The following CDK5RAP2 variants were observed in gnomAD, a reference collection of about 807,000 sequenced individuals.
CDK5RAP2 encodes the protein CDK5 regulatory subunit associated protein 2.
A neutral mutation model predicts 232.9 loss-of-function variants in CDK5RAP2; 147 were observed. The ratio of observed to expected loss-of-function variants is 0.63; its 90% confidence interval spans 0.55 to 0.72. The LOEUF is 0.72. Among genes scored for constraint, CDK5RAP2 ranks in the 30% least tolerant of loss-of-function variants. The pLI is 0.00. For synonymous variants in CDK5RAP2, 833 were observed against 833.7 expected (o/e 1.00, Z 0.01); for missense variants, 2,195 against 2,231.5 (o/e 0.98, Z 0.33).
chr9:120,411,513 T>C (rs1265244712), intron 28 of CDK5RAP2, 39 bp from the exon 29 acceptor site: 1 of 1,091,592 alleles, frequency 9.2e-7, no homozygotes, highest in African/African-American at 1.5e-5. Context: ...ATAAACAGTC[T>C]CCAGATCAGT....
intron 18 of CDK5RAP2, among the ~76,000 whole-genome samples, chr9:120,464,859 G>A (rs950565811): frequency 3.9e-5 from 6 of 152,092 alleles, no homozygotes; most frequent in African/African-American, 7.2e-5. Flanking sequence ...TCATAATAAC[G>A]TATGAAGTCA....
chr9:120,520,263 C>T (rs541856264), intron 11 of CDK5RAP2, among the ~76,000 whole-genome samples: 2 of 152,184 alleles, frequency 1.3e-5, no homozygotes, highest in African/African-American at 2.4e-5. Flanking sequence ...ACACATCCTT[C>T]GTCAGGCACA....
At chr9:120,512,000 A>T (rs2040114113) in intron 12 of CDK5RAP2, among the ~76,000 whole-genome samples, 1 of 151,972 alleles carries the variant, frequency 6.6e-6, no homozygotes, top group Non-Finnish European at 1.5e-5. Context: ...GGCCTCCCAA[A>T]GTGCTGGGAT....
chr9:120,553,900 T>C (rs374593646), intron 3 of CDK5RAP2, among the ~76,000 whole-genome samples: 18 of 152,298 alleles, frequency 1.2e-4, no homozygotes, highest in East Asian at 3.9e-4. Flanking sequence ...GTGCTGGGAT[T>C]ATAGGTGCAA....
chr9:120,559,588 A>C (rs1343674911), intron 3 of CDK5RAP2, among the ~76,000 whole-genome samples: 1 of 149,694 alleles, frequency 6.7e-6, no homozygotes, highest in African/African-American at 2.5e-5. Flanking sequence ...AAAAAAAAAA[A>C]ACTTGAGGTG....
chr9:120,480,413 A>T (rs1478884894), intron 14 of CDK5RAP2, among the ~76,000 whole-genome samples: 1 of 152,198 alleles, frequency 6.6e-6, no homozygotes, highest in African/African-American at 2.4e-5. Flanking sequence ...TACTAGTAGT[A>T]TTACCTTGAC....
intron 9 of CDK5RAP2, among the ~76,000 whole-genome samples, chr9:120,528,313 G>A (rs537287138): frequency 1.3e-4 from 1 of 7,688 alleles, no homozygotes; most frequent in East Asian, 0.17. Flanking sequence ...TATAGTCTGA[G>A]TTCATTCTAA....
At position 120,518,202 on chromosome 9, in the gene CDK5RAP2, TGTGTGTGTGAGAGA is replaced by T. The variant is rs576912114; in HGVS notation, c.1311+211_1311+224del. On this transcript the variant is annotated intron_variant, in intron 12 of 37. Transcript: ENST00000349780. ...GTGTGTGTGTGTGTGTGTGTGTGTGTGTGTGTGTGAGAGAGAGAGAGAGAGAGAGAGAGAGAGAG... is the reference window on the plus strand; with the variant it reads ...GTGTGTGTGTGTGTGTGTGTGTGTGTGAGAGAGAGAGAGAGAGAGAGAGAG... Among the ~76,000 whole-genome samples, 887 of 108,058 alleles carry T rather than the reference TGTGTGTGTGAGAGA, an allele frequency of 8.2e-3. 7 individuals carry two copies. The highest frequency in any genetic ancestry group is 1.0e-2 in the Non-Finnish European group (546 of 54,628). 70.9% of individuals were successfully genotyped at this position (108,058 alleles called of 152,430 possible). A position where few individuals can be genotyped will look rare whatever the true frequency, so the allele number is the denominator to read the frequency against.
At chr9:120,468,630 C>T (rs1351608519) in intron 17 of CDK5RAP2, among the ~76,000 whole-genome samples, 1 of 152,204 alleles carries the variant, frequency 6.6e-6, no homozygotes, top group East Asian at 1.9e-4. Flanking sequence ...ACATGAAATA[C>T]AAAGAAATTT....
chr9:120,493,662 C>T (rs770088393), intron 12 of CDK5RAP2, among the ~76,000 whole-genome samples: 1 of 152,134 alleles, frequency 6.6e-6, no homozygotes, highest in African/African-American at 2.4e-5. Flanking sequence ...TTACCAGAAA[C>T]AGTCAACAGA....
chr9:120,518,215 G>C (rs13285601), intron 12 of CDK5RAP2, among the ~76,000 whole-genome samples: 1,581 of 81,828 alleles, frequency 0.019, 4 homozygotes, highest in Middle Eastern at 0.03. Flanking sequence ...GTGTGTGAGA[G>C]AGAGAGAGAG....
At chr9:120,566,856 T>C (rs572470958) in intron 3 of CDK5RAP2, among the ~76,000 whole-genome samples, 1 of 152,280 alleles carries the variant, frequency 6.6e-6, no homozygotes, top group South Asian at 2.1e-4. Context: ...ATAAAGAGGG[T>C]TGTGTTCAAT....
At chr9:120,434,808 AT>A (rs913219521) in intron 25 of CDK5RAP2, among the ~76,000 whole-genome samples, 4 of 152,214 alleles carry the variant, frequency 2.6e-5, no homozygotes, top group Admixed American at 6.5e-5. Context: ...TGATCCTTGG[AT>A]TTGGCAAAGT....
chr9:120,550,007 A>C (rs1424906114), intron 4 of CDK5RAP2, among the ~76,000 whole-genome samples: 2 of 152,242 alleles, frequency 1.3e-5, no homozygotes, highest in African/African-American at 4.8e-5. Flanking sequence ...CCACTGGTGC[A>C]AACTTCAGAG....
chr9:120,550,863 G>C lies in CDK5RAP2; in HGVS notation c.235C>G (p.Leu79Val), dbSNP rs141936690. 6.2e-7 allele frequency: 1 copy of C among 1,613,182 alleles called. No homozygotes were observed. The highest frequency in any genetic ancestry group is 2.2e-5 in the East Asian group (1 of 44,842). ...CTTTCCTCAAGGAAATAGATGCGGA[G>C]CTTTAGGTTAAAGTTTTCTTTCTTC... Reference protein sequence around the residue: ...ELKKENFNLKLRIYFLEERMQ... With the variant: ...ELKKENFNLKVRIYFLEERMQ... The change falls in exon 4 of 38, where the codon CTC becomes GTC. Residue 79 changes from leucine (L) to valine (V), a missense_variant. By Grantham distance (32) the Leu-to-Val change is conservative. Transcript: ENST00000349780.
rs996662703 is a variant in CDK5RAP2, at chr9:120,422,732, A to C, written c.3965T>G (p.Val1322Gly). The C allele has an allele frequency of 6.2e-7, 1 of 1,612,814 alleles. No homozygotes were observed. The highest frequency in any genetic ancestry group is 2.2e-5 in the East Asian group (1 of 44,860). The change falls in exon 26 of 38, where the codon GTT becomes GGT. Residue 1322 changes from valine (V) to glycine (G), a missense_variant. Physicochemically the swap from Val to Gly is moderately radical, Grantham distance 109. Coordinates refer to ENST00000349780, the MANE Select transcript of CDK5RAP2 (RefSeq NM_018249.6). ...ATTCTGGGTGTTCATTTCCACTCCA[A>C]CTGATTTTCCTGGAAGCAGAAATAA... is the stretch of plus-strand genomic sequence containing the variant. The part of the protein sequence containing the change: ...LEKLFLNGKS[V>G]GVEMNTQNEL...
chr9:120,394,532 TC>T lies in CDK5RAP2; in HGVS notation c.5557del (p.Glu1853LysfsTer10). Reference sequence around the variant, plus strand: ...CTCACATTGATCAAAGATGACTTTTTCCTGGCGCTTGCTCAGCTGCAAAAGC... The same window carrying T: ...CTCACATTGATCAAAGATGACTTTTTCTGGCGCTTGCTCAGCTGCAAAAGC... ...MKLLQLSKRQ[E>X]KVIFDQLVVT... On this transcript the variant is annotated frameshift_variant, in exon 36 of 38. Transcript: ENST00000349780. LOFTEE classifies it high-confidence loss of function. The T allele has an allele frequency of 6.2e-7, 1 of 1,614,204 alleles. No individual in the cohort carries two copies. The highest frequency in any genetic ancestry group is 1.1e-5 in the South Asian group (1 of 91,086).
At chr9:120,505,861 G>T (rs1261675901) in intron 12 of CDK5RAP2, among the ~76,000 whole-genome samples, 1 of 152,214 alleles carries the variant, frequency 6.6e-6, no homozygotes. Flanking sequence ...GCTAGCAGAG[G>T]TTGGTTCCTG....
intron 35 of CDK5RAP2, among the ~76,000 whole-genome samples, chr9:120,396,379 T>A (rs1249311997): frequency 6.6e-6 from 1 of 152,246 alleles, no homozygotes; most frequent in Non-Finnish European, 1.5e-5. Flanking sequence ...ATCGGAATAA[T>A]CATCCCTGAT....
Sources: gnomAD v4.1 joint callset for allele counts (sites outside exome capture counted in the v4.1 genomes callset) on GRCh38, gnomAD v4.1.1 for gene constraint, MANE v1.5 for transcripts, NCBI Gene and HGNC (gene_info 2026-07-23, HGNC 2026-07-21) for gene names.